KLK10: variants seen among roughly 807,000 people sequenced by gnomAD.
KLK10 encodes the protein kallikrein related peptidase 10.
A neutral mutation model predicts 25.7 loss-of-function variants in KLK10; 27 were observed. The observed-to-expected ratio is 1.05, with a 90% CI of 0.77 to 1.45. KLK10 has a LOEUF of 1.45. KLK10 is among the 40% of genes most tolerant of loss of function. KLK10 has a pLI of 0.00. For synonymous variants in KLK10, 173 were observed against 160.1 expected, an observed-to-expected ratio of 1.08 and a Z score of -0.61; for missense variants, 386 against 370.0, an observed-to-expected ratio of 1.04 and a Z score of -0.35.
At position 51,017,124 on chromosome 19, in the gene KLK10, C is replaced by T. The variant is rs139316506; in HGVS notation, c.255G>A (p.Ala85=). The part of the protein sequence containing the change: ...LVDQSWVLTA[A]HCGNKPLWAR... ...TCTCCTCCTACTTGTTTCCGCAGTG[C>T]GCGGCCGTCAGCACCCAACTCTGGT... Residue 85 remains alanine (A), a synonymous_variant, in exon 3 of 6, where the codon GCG becomes GCA. Transcript: ENST00000358789. The T allele has an allele frequency of 6.0e-5, 96 of 1,605,268 alleles. 1 individual carries two copies. The African/African-American group carries it at 9.6e-4, about 16-fold the overall frequency.
chr19:51,019,804 CTCTG>C (rs1293622147), upstream of KLK10: 1 of 152,220 alleles, frequency 6.6e-6, no homozygotes, highest in African/African-American at 2.4e-5. This position sits in a 1 kb window ranked among gnomAD's most constrained non-coding sequence, Gnocchi z 4.2. Flanking sequence ...CTCCCTTTCC[CTCTG>C]TCTAATTGTA....
At position 51,019,394 on chromosome 19, in the gene KLK10, T is replaced by C. The variant is rs1189633052; in HGVS notation, c.-10+233A>G. ...AGTGGAGCGCTCTCCGCGCCCCAGC[T>C]ACCCTGGCTGCAGCCACGCCGCGCC... On this transcript the variant is annotated intron_variant, in intron 1 of 5. Coordinates refer to ENST00000358789, the MANE Select transcript of KLK10 (RefSeq NM_145888.3). This position sits in a 1 kb window ranked among gnomAD's most constrained non-coding sequence, Gnocchi z 4.2. Among the ~76,000 whole-genome samples the C allele has an allele frequency of 6.6e-6, 1 of 152,176 alleles. No individual in the cohort carries two copies. The highest frequency in any genetic ancestry group is 2.4e-5 in the African/African-American group (1 of 41,464).
Position 51,015,893 on chromosome 19 carries a change from G to T in KLK10, c.533C>A (p.Ala178Asp). ...GCCCCAGCTCTTGCCTCTCCGGGCG[G>T]CCGTGGTGCCCCAGCCAGCAACCTG... ...QCQVAGWGTT[A>D]ARRVKYNKGL... Residue 178 changes from alanine to aspartate, a missense_variant, in exon 4 of 6, where the codon GCC (alanine) becomes GAC (aspartate). Ala to Asp is a moderately radical substitution (Grantham distance 126, BLOSUM62 -2). Transcript: ENST00000358789. 3 of 1,556,842 alleles carry T rather than the reference G, an allele frequency of 1.9e-6. No homozygotes were observed. The highest frequency in any genetic ancestry group is 2.6e-6 in the Non-Finnish European group (3 of 1,154,064).
rs977363673 is a variant in KLK10, at chr19:51,013,431, C to T, written c.*1369G>A. The T allele has an allele frequency of 3.3e-5, 5 of 152,078 alleles. No individual in the cohort carries two copies. Among genetic ancestry groups the T allele is most frequent in the African/African-American group, 1.2e-4 (5 of 41,394 alleles). The allele number at this position is 152,078 out of a possible 1,614,324, so 9.4% of individuals were successfully genotyped here. ...ATAAGCTGAGACACTCAAACTTCTT[C>T]TTTTTTTGAGATGGAGTTTTGCTCT... On this transcript the variant is annotated 3_prime_UTR_variant, in exon 6 of 6. Coordinates refer to ENST00000358789, the MANE Select transcript of KLK10 (RefSeq NM_145888.3).
In KLK10 at chr19:51,013,117, T is replaced by G. The variant is rs2691256; in HGVS notation, c.*1683A>C. 14 of 151,916 alleles carry G rather than the reference T, an allele frequency of 9.2e-5. No individual in the cohort carries two copies. Among genetic ancestry groups the G allele is most frequent in the African/African-American group, 3.1e-4 (13 of 41,346 alleles). The allele number at this position is 151,916 out of a possible 1,614,324, so 9.4% of individuals were successfully genotyped here. On this transcript the variant is annotated 3_prime_UTR_variant, in exon 6 of 6. Transcript: ENST00000358789. The stretch of plus-strand genomic sequence containing the variant: ...ATGACAAACCCAGCTGATACGCCTG[T>G]CTGACATTTCCTGCGTGTGCTAATG...
intron 4 of KLK10, 81 bp downstream of exon 4, chr19:51,015,801 G>C: frequency 3.0e-6 from 4 of 1,355,612 alleles, no homozygotes; most frequent in Non-Finnish European, 3.9e-6. Flanking sequence ...CCAGTCCCCA[G>C]CCCATCCTTC....
rs1209675603 is a variant in KLK10 at position 51,019,313 on chromosome 19, G to T, written c.-9-174C>A. Among the ~76,000 whole-genome samples, 1 of 152,192 alleles carries T rather than the reference G, an allele frequency of 6.6e-6. No homozygotes were observed. The highest frequency in any genetic ancestry group is 2.1e-4 in the South Asian group (1 of 4,832). ...GATTCGGGCTGGAACAGCGGTAATG[G>T]GCACAATTACCCTAATGACGCCCCT... On this transcript the variant is annotated intron_variant, in intron 1 of 5. Transcript: ENST00000358789. This position sits in a 1 kb window ranked among gnomAD's most constrained non-coding sequence, Gnocchi z 4.2.
intron 2 of KLK10, among the ~76,000 whole-genome samples, chr19:51,017,509 A>C (rs2122454894): frequency 6.6e-6 from 1 of 151,942 alleles, no homozygotes; most frequent in South Asian, 2.1e-4. Context: ...GCGTGGAGTA[A>C]TGAGACAGAA....
chr19:51,016,901 G>A (rs1351280172), intron 3 of KLK10, among the ~76,000 whole-genome samples: 1 of 152,160 alleles, frequency 6.6e-6, no homozygotes, highest in East Asian at 1.9e-4. Flanking sequence ...GAATCAGCGG[G>A]AGAGGAGTGA....
chr19:51,018,980 A>G, intron 2 of KLK10, 63 bp downstream of exon 2: 1 of 1,211,840 alleles, frequency 8.3e-7, no homozygotes, highest in Non-Finnish European at 1.2e-6. Context: ...TGACGGGAAC[A>G]CATTCTCCTC....
chr19:51,016,211 A>T (rs1336611225), intron 3 of KLK10, 55 bp from the exon 4 acceptor site: 5 of 1,484,788 alleles, frequency 3.4e-6, no homozygotes, highest in Non-Finnish European at 4.5e-6. Flanking sequence ...CTGGGAAAGC[A>T]GGTGGGCAGT....
At chr19:51,017,086 C>G in intron 3 of KLK10, 24 bp downstream of exon 3, 1 of 1,555,542 alleles carries the variant, frequency 6.4e-7, no homozygotes, top group Non-Finnish European at 8.7e-7. Flanking sequence ...CCCGTGGCGT[C>G]CTCGGGGATG....
At chr19:51,017,017 TG>T in intron 3 of KLK10, 92 bp downstream of exon 3, 1 of 1,258,750 alleles carries the variant, frequency 7.9e-7, no homozygotes, top group Non-Finnish European at 1.1e-6. Context: ...CCTCCAGCTG[TG>T]GGAGTTCCGA....
At chr19:51,018,191 G>GAAAAAAAAAAA (rs2091358485) in intron 2 of KLK10, among the ~76,000 whole-genome samples, 1 of 74,572 alleles carries the variant, frequency 1.3e-5, no homozygotes, top group Non-Finnish European at 2.7e-5. Flanking sequence ...AAAAAAGAAG[G>GAAAAAAAAAAA]AAAGAAAAAG....
In KLK10 at chr19:51,019,521, A is replaced by G; in HGVS notation, c.-10+106T>C. 1 of 169,684 alleles carries G rather than the reference A, an allele frequency of 5.9e-6. No individual in the cohort carries two copies. Among genetic ancestry groups the G allele is most frequent in the Non-Finnish European group, 1.3e-5 (1 of 79,642 alleles). The allele number at this position is 169,684 out of a possible 1,614,324, so 10.5% of individuals were successfully genotyped here. On this transcript the variant is annotated intron_variant, in intron 1 of 5. Coordinates refer to ENST00000358789, the MANE Select transcript of KLK10 (RefSeq NM_145888.3). The surrounding 1 kb of genome is among the most constrained non-coding windows in gnomAD (Gnocchi z 4.2). ...CAGCGGGGGGACTTCCGCGTCCCGC[A>G]GGTGGAGAAACCGAGGCTCTAAGCC...
At chr19:51,016,998 G>T in intron 3 of KLK10, 112 bp downstream of exon 3, 1 of 1,106,068 alleles carries the variant, frequency 9.0e-7, no homozygotes, top group South Asian at 1.7e-5. Context: ...AAGGACACCG[G>T]GGACCGCACC....
In KLK10 at chr19:51,014,683, G is replaced by A; in HGVS notation, c.*117C>T. 2.9e-6 allele frequency: 3 copies of A among 1,037,892 alleles called. No individual in the cohort carries two copies. The highest frequency in any genetic ancestry group is 1.4e-5 in the South Asian group (1 of 69,682). 64.3% of individuals were successfully genotyped at this position (1,037,892 alleles called of 1,614,324 possible). ...GTGGAGGGCGGCAGAGGTTTGAACA[G>A]TGCAGACAAGGGGAGAGTTCAGCCG... On this transcript the variant is annotated 3_prime_UTR_variant, in exon 6 of 6. Transcript: ENST00000358789.
Position 51,014,608 on chromosome 19 carries a change from A to G in KLK10, c.*192T>C. On this transcript the variant is annotated 3_prime_UTR_variant, in exon 6 of 6. Transcript: ENST00000358789. ...TGCATTTCAGCTTCAGTACAGGCAG[A>G]GAATGGGGATAGGTGGGGGAATGAG... 1 of 518,072 alleles carries G rather than the reference A, an allele frequency of 1.9e-6. No individual in the cohort carries two copies. Among genetic ancestry groups the G allele is most frequent in the Non-Finnish European group, 3.4e-6 (1 of 292,446 alleles). 32.1% of individuals were successfully genotyped at this position (518,072 alleles called of 1,614,324 possible). A position where few individuals can be genotyped will look rare whatever the true frequency, so the allele number is the denominator to read the frequency against.
At position 51,019,500 on chromosome 19, in the gene KLK10, G is replaced by T. The variant is rs77303625; in HGVS notation, c.-10+127C>A. ...GGAGCCTCTTTCTCAACCTCACAGCGGGGGGACTTCCGCGTCCCGCAGGTG... is the reference window on the plus strand; with the variant it reads ...GGAGCCTCTTTCTCAACCTCACAGCTGGGGGACTTCCGCGTCCCGCAGGTG... On this transcript the variant is annotated intron_variant, in intron 1 of 5. Coordinates refer to ENST00000358789, the MANE Select transcript of KLK10 (RefSeq NM_145888.3). This position sits in a 1 kb window ranked among gnomAD's most constrained non-coding sequence, Gnocchi z 4.2. 2 of 183,588 alleles carry T rather than the reference G, an allele frequency of 1.1e-5. No individual in the cohort carries two copies. The highest frequency in any genetic ancestry group is 2.4e-5 in the African/African-American group (1 of 42,496). 11.4% of individuals were successfully genotyped at this position (183,588 alleles called of 1,614,324 possible).
Sources: allele counts gnomAD v4.1 joint callset (sites outside exome capture counted in the v4.1 genomes callset), GRCh38; gene constraint gnomAD v4.1.1; non-coding constraint Gnocchi (gnomAD v3.1); transcripts MANE v1.5; gene names NCBI Gene and HGNC (gene_info 2026-07-23, HGNC 2026-07-21).